PARN: variants seen among roughly 807,000 people sequenced by gnomAD.
The protein encoded by PARN is poly(A)-specific ribonuclease.
PARN carries 71 observed loss-of-function variants against 102.8 expected under a neutral mutation model. The observed-to-expected ratio is 0.69, with a 90% CI of 0.57 to 0.84. The LOEUF (loss-of-function observed/expected upper bound fraction) is 0.84, where lower values mean the gene tolerates loss of function less well. Among genes scored for constraint, PARN ranks in the 40% least tolerant of loss-of-function variants. PARN has a pLI of 0.00. For synonymous variants in PARN, 261 were observed against 252.9 expected, an observed-to-expected ratio of 1.03 and a Z score of -0.30; for missense variants, 782 against 760.9, an observed-to-expected ratio of 1.03 and a Z score of -0.33.
chr16:14,544,623 A>G (rs1460868610), intron 21 of PARN, among the ~76,000 whole-genome samples: 1 of 152,188 alleles, frequency 6.6e-6, no homozygotes, highest in Non-Finnish European at 1.5e-5. Context: ...TATAAAAAAC[A>G]TAAGGAGGAT....
At chr16:14,541,665 C>T (rs911833048) in intron 21 of PARN, among the ~76,000 whole-genome samples, 6 of 151,832 alleles carry the variant, frequency 4.0e-5, no homozygotes, top group Non-Finnish European at 7.4e-5. Context: ...TTAGTAGAGA[C>T]GGGATTCTAC....
At chr16:14,491,990 G>C (rs1033870427) in intron 21 of PARN, among the ~76,000 whole-genome samples, 8 of 152,316 alleles carry the variant, frequency 5.3e-5, no homozygotes, top group African/African-American at 1.7e-4. Context: ...GGCTCGAACG[G>C]GTAGTTTTGC....
At chr16:14,488,623 G>C (rs1443373801) in intron 21 of PARN, among the ~76,000 whole-genome samples, 1 of 152,198 alleles carries the variant, frequency 6.6e-6, no homozygotes, top group Non-Finnish European at 1.5e-5. Context: ...CATATGCAGA[G>C]ATGCTCGGCC....
chr16:14,456,492 CAG>C (rs1472025254), intron 22 of PARN, among the ~76,000 whole-genome samples: 1 of 152,068 alleles, frequency 6.6e-6, no homozygotes, highest in Non-Finnish European at 1.5e-5. Flanking sequence ...GTCTTAAAGA[CAG>C]GTAGAGCAAG....
At chr16:14,488,791 C>G (rs1382281311) in intron 21 of PARN, among the ~76,000 whole-genome samples, 2 of 152,032 alleles carry the variant, frequency 1.3e-5, no homozygotes, top group Non-Finnish European at 2.9e-5. Context: ...AGTTAGTGTT[C>G]TCACTTAAAG....
Position 14,595,346 on chromosome 16 carries a change from G to A in PARN, c.841-1968C>T, listed in dbSNP as rs533718774. 5.3e-5 allele frequency among the ~76,000 whole-genome samples: 8 copies of A among 151,818 alleles called. No homozygotes were observed. In the East Asian group the frequency reaches 1.4e-3, roughly 26 times the overall value. ...TATAAAGGCATGCATACACCCATGC[G>A]CACACACACACAAACACACACACAC... On this transcript the variant is annotated intron_variant, in intron 12 of 23. Transcript: ENST00000437198.
At chr16:14,478,262 G>C (rs892404936) in intron 22 of PARN, among the ~76,000 whole-genome samples, 1 of 152,132 alleles carries the variant, frequency 6.6e-6, no homozygotes, top group Non-Finnish European at 1.5e-5. Flanking sequence ...GCTGCCGTGA[G>C]CTATGATTAT....
At chr16:14,502,104 A>T (rs1964652893) in intron 21 of PARN, among the ~76,000 whole-genome samples, 1 of 152,212 alleles carries the variant, frequency 6.6e-6, no homozygotes, top group South Asian at 2.1e-4. Flanking sequence ...GGAAGGCCAC[A>T]TGCCTCTCTG....
chr16:14,626,862 C>T (rs1462697268), intron 5 of PARN, among the ~76,000 whole-genome samples: 1 of 152,038 alleles, frequency 6.6e-6, no homozygotes, highest in Admixed American at 6.6e-5. Context: ...CATGATCCGC[C>T]CTCCCCGGCC....
At chr16:14,559,431 G>A (rs1463569764) in intron 18 of PARN, among the ~76,000 whole-genome samples, 1 of 150,264 alleles carries the variant, frequency 6.7e-6, no homozygotes, top group African/African-American at 2.4e-5. Flanking sequence ...TAATTTTTAT[G>A]AGTATACAGT....
At chr16:14,603,928 C>T (rs1166433672) in intron 11 of PARN, among the ~76,000 whole-genome samples, 2 of 152,246 alleles carry the variant, frequency 1.3e-5, no homozygotes, top group Non-Finnish European at 1.5e-5. Context: ...TAAGTAGACA[C>T]TGGTCATCAG....
chr16:14,580,103 TG>T (rs1969424825), intron 18 of PARN, among the ~76,000 whole-genome samples: 1 of 151,966 alleles, frequency 6.6e-6, no homozygotes, highest in Non-Finnish European at 1.5e-5. Context: ...AAGAAAATCA[TG>T]TTTTCTACAG....
intron 10 of PARN, among the ~76,000 whole-genome samples, chr16:14,606,271 C>T (rs372575218): frequency 1.6e-3 from 244 of 151,908 alleles, no homozygotes; most frequent in African/African-American, 5.3e-3. Flanking sequence ...CATGGTGGCA[C>T]GAGCCTGTAG....
intron 21 of PARN, among the ~76,000 whole-genome samples, chr16:14,515,400 T>C (rs933497376): frequency 8.0e-4 from 122 of 152,202 alleles, no homozygotes; most frequent in Admixed American, 7.9e-3. Context: ...CTTAAACATA[T>C]GTAGATGGAA....
chr16:14,577,465 C>CT (rs1319863562), intron 18 of PARN, among the ~76,000 whole-genome samples: 1 of 152,058 alleles, frequency 6.6e-6, no homozygotes, highest in Non-Finnish European at 1.5e-5. Context: ...TCCCGAGTAG[C>CT]TGGGACTACA....
intron 12 of PARN, among the ~76,000 whole-genome samples, chr16:14,594,924 G>T (rs1970410877): frequency 6.6e-6 from 1 of 152,130 alleles, no homozygotes; most frequent in Non-Finnish European, 1.5e-5. Flanking sequence ...AGCATTGATT[G>T]AAACCACAGA....
At chr16:14,443,952 C>T (rs747823781) in intron 23 of PARN, among the ~76,000 whole-genome samples, 3 of 152,232 alleles carry the variant, frequency 2.0e-5, no homozygotes, top group Non-Finnish European at 4.4e-5. Flanking sequence ...AATACAGTTC[C>T]CGCCACCACC....
chr16:14,592,312 C>T (rs768166369), intron 13 of PARN, among the ~76,000 whole-genome samples: 1 of 152,122 alleles, frequency 6.6e-6, no homozygotes, highest in Non-Finnish European at 1.5e-5. Context: ...TGTCTGGAGT[C>T]CAGCATGAAA....
chr16:14,608,456 G>A (rs566431266), intron 8 of PARN, 137 bp from the exon 9 acceptor site: 59 of 603,346 alleles, frequency 9.8e-5, no homozygotes, highest in Non-Finnish European at 1.6e-4. Context: ...ACAAAAATAC[G>A]CAGGTTTTTT....
Sources: allele counts gnomAD v4.1 joint callset (sites outside exome capture counted in the v4.1 genomes callset), GRCh38; gene constraint gnomAD v4.1.1; transcripts MANE v1.5; gene names NCBI Gene and HGNC (gene_info 2026-07-23, HGNC 2026-07-21).